The following CYB5D2 variants were observed in gnomAD, a reference collection of about 807,000 sequenced individuals.
The protein encoded by CYB5D2 is cytochrome b5 domain containing 2, also known as neuferricin.
CYB5D2 carries 23 observed loss-of-function variants against 22.8 expected under a neutral mutation model. The observed-to-expected ratio is 1.01, with a 90% CI of 0.73 to 1.43. CYB5D2 has a LOEUF of 1.43. Ranked by LOEUF, CYB5D2 falls within the 40% of genes most tolerant of loss-of-function variation. The pLI is 0.00. For missense variants in CYB5D2, 373 were observed against 357.2 expected, an observed-to-expected ratio of 1.04 and a Z score of -0.36; for synonymous variants, 170 against 152.2, an observed-to-expected ratio of 1.12 and a Z score of -0.86.
Position 4,143,661 on chromosome 17 carries a change from G to C in CYB5D2, c.-95G>C. ...AGCGCGCGAGAGAGAGAGCGAGAGC[G>C]CGCGCGCCGATGACGTCACGCTCGG... On this transcript the variant is annotated 5_prime_UTR_variant, in exon 1 of 4. Transcript: ENST00000301391. The C allele has an allele frequency of 6.7e-7, 1 of 1,498,966 alleles. No homozygotes were observed. The allele number at this position is 1,498,966 out of a possible 1,614,324, so 92.9% of individuals were successfully genotyped here. A position where few individuals can be genotyped will look rare whatever the true frequency, so the allele number is the denominator to read the frequency against.
rs2059123959 is a variant in CYB5D2 at position 4,157,414 on chromosome 17, G to T, written c.*332G>T. The T allele has an allele frequency of 5.0e-6, 2 of 403,616 alleles. No homozygotes were observed. Among genetic ancestry groups the T allele is most frequent in the South Asian group, 4.9e-5 (2 of 40,576 alleles). 25.0% of individuals were successfully genotyped at this position (403,616 alleles called of 1,614,324 possible). ...GAATTTACAACCAAAAGCCTGCTGA[G>T]TTGATTACAGCTGGGCCAATACAGT... is the stretch of plus-strand genomic sequence containing the variant. On this transcript the variant is annotated 3_prime_UTR_variant, in exon 4 of 4. Transcript: ENST00000301391. This position sits in a 1 kb window ranked among gnomAD's most constrained non-coding sequence, Gnocchi z 4.4.
At chr17:4,155,761 T>C (rs1300488660) in intron 3 of CYB5D2, among the ~76,000 whole-genome samples, 1 of 152,212 alleles carries the variant, frequency 6.6e-6, no homozygotes, top group African/African-American at 2.4e-5. Flanking sequence ...TGCTTGACTT[T>C]GCTTCCTTGG....
rs201614194 is a variant in CYB5D2, at chr17:4,150,015, G to A, written c.375G>A (p.Lys125=). 1.5e-5 allele frequency: 25 copies of A among 1,614,090 alleles called. No individual in the cohort carries two copies. In the Middle Eastern group the frequency reaches 1.2e-3, roughly 75 times the overall value. ...TLHNWLSFYE[K]NYVCVGRVTG... ...ACAATTGGCTTTCATTCTATGAGAAGAATTATGTGTGTGTTGGTAAGTCGT... is the reference window on the plus strand; with the variant it reads ...ACAATTGGCTTTCATTCTATGAGAAAAATTATGTGTGTGTTGGTAAGTCGT... The change falls in exon 2 of 4, where the codon AAG becomes AAA. Residue 125 remains lysine, a synonymous_variant. Coordinates refer to ENST00000301391, the MANE Select transcript of CYB5D2 (RefSeq NM_144611.4).
chr17:4,149,965 T>C lies in CYB5D2; in HGVS notation c.325T>C (p.Ser109Pro). 1.2e-6 allele frequency: 2 copies of C among 1,614,162 alleles called. No individual in the cohort carries two copies. The highest frequency in any genetic ancestry group is 1.7e-6 in the Non-Finnish European group (2 of 1,180,030). ...AGLVDDVSDL[S>P]AAEMLTLHNW... The stretch of plus-strand genomic sequence containing the variant: ...CCTCGTGGATGACGTATCCGACCTG[T>C]CAGCCGCTGAGATGCTGACACTTCA... The change falls in exon 2 of 4, where the codon TCA (serine) becomes CCA (proline). Residue 109 changes from serine to proline, a missense_variant. By Grantham distance (74) the Ser-to-Pro change is moderately conservative. Coordinates refer to ENST00000301391, the MANE Select transcript of CYB5D2 (RefSeq NM_144611.4).
intron 2 of CYB5D2, among the ~76,000 whole-genome samples, chr17:4,154,097 C>T (rs1039507435): frequency 2.0e-5 from 3 of 152,156 alleles, no homozygotes; most frequent in African/African-American, 4.8e-5. Flanking sequence ...GGCCTATAGG[C>T]TGGTGGACCA....
Position 4,143,798 on chromosome 17 carries a change from G to C in CYB5D2, c.43G>C (p.Val15Leu), listed in dbSNP as rs1376663571. The change falls in exon 1 of 4, where the codon GTA (valine) becomes CTA (leucine). Residue 15 changes from valine (V) to leucine (L), a missense_variant. Coordinates refer to ENST00000301391, the MANE Select transcript of CYB5D2 (RefSeq NM_144611.4). ...GGRGLLLGLAVAAAAVMAARL... is the reference protein window; with the variant it reads ...GGRGLLLGLALAAAAVMAARL... ...CCGTGGGCTTTTGTTGGGCCTGGCT[G>C]TAGCCGCAGCAGCGGTAATGGCAGC... The C allele has an allele frequency of 1.7e-5, 27 of 1,614,094 alleles. No individual in the cohort carries two copies. The highest frequency in any genetic ancestry group is 1.7e-4 in the Middle Eastern group (1 of 6,026).
chr17:4,143,853 C>T lies in CYB5D2; in HGVS notation c.98C>T (p.Ala33Val), dbSNP rs1400498269. Residue 33 changes from alanine to valine, a missense_variant, in exon 1 of 4, where the codon GCT becomes GTT. By Grantham distance (64) the Ala-to-Val change is moderately conservative. Transcript: ENST00000301391. ...CTTATGGGCTGGTGGGGTCCCCGCG[C>T]TGGCTTTCGCCTTTTCATACCGGAG... ...ARLMGWWGPR[A>V]GFRLFIPEEL... The T allele has an allele frequency of 6.2e-7, 1 of 1,614,138 alleles. No homozygotes were observed. The highest frequency in any genetic ancestry group is 8.5e-7 in the Non-Finnish European group (1 of 1,180,018).
Position 4,154,843 on chromosome 17 carries a change from C to T in CYB5D2, c.561C>T (p.Leu187=), listed in dbSNP as rs781228374. The part of the protein sequence containing the change: ...AEWSSARGSR[L]WCSQKSGGVS... ...GGAGCTCAGCCAGGGGCAGCCGGCT[C>T]TGGTGCTCCCAGAAGAGGTAAGCAG... Residue 187 remains leucine, a synonymous_variant, in exon 3 of 4, where the codon CTC becomes CTT. Transcript: ENST00000301391. The T allele has an allele frequency of 3.6e-5, 58 of 1,613,320 alleles. No homozygotes were observed. The highest frequency in any genetic ancestry group is 4.6e-5 in the Non-Finnish European group (54 of 1,179,666).
chr17:4,143,617 G>A lies in CYB5D2; in HGVS notation c.-139G>A, dbSNP rs935095949. 32 of 1,233,908 alleles carry A rather than the reference G, an allele frequency of 2.6e-5. No individual in the cohort carries two copies. Among genetic ancestry groups the A allele is most frequent in the South Asian group, 2.9e-5 (2 of 68,106 alleles). The allele number at this position is 1,233,908 out of a possible 1,614,324, so 76.4% of individuals were successfully genotyped here. On this transcript the variant is annotated 5_prime_UTR_variant, in exon 1 of 4. Transcript: ENST00000301391. ...ATACAGATAAAACGAGAGAGACTAA[G>A]GGAGGGAGCGCGAGCACTAGCGCGC...
chr17:4,143,618 G>A lies in CYB5D2; in HGVS notation c.-138G>A, dbSNP rs987754428. ...TACAGATAAAACGAGAGAGACTAAG[G>A]GAGGGAGCGCGAGCACTAGCGCGCG... On this transcript the variant is annotated 5_prime_UTR_variant, in exon 1 of 4. Transcript: ENST00000301391. 2.4e-6 allele frequency: 3 copies of A among 1,240,332 alleles called. No homozygotes were observed. Among genetic ancestry groups the A allele is most frequent in the African/African-American group, 1.5e-5 (1 of 65,932 alleles). The allele number at this position is 1,240,332 out of a possible 1,614,324, so 76.8% of individuals were successfully genotyped here. A position where few individuals can be genotyped will look rare whatever the true frequency, so the allele number is the denominator to read the frequency against.
rs147852286 is a variant in CYB5D2 at position 4,150,184 on chromosome 17, C to T, written c.391+153C>T. ...TCTGGTCGTTAGAATAGGGATGAGC[C>T]GCCCAGAAGGAGATGGATGGGCACC... On this transcript the variant is annotated intron_variant, in intron 2 of 3. Transcript: ENST00000301391. 3.9e-5 allele frequency among the ~76,000 whole-genome samples: 6 copies of T among 152,274 alleles called. No homozygotes were observed. The East Asian group carries it at 9.6e-4, about 24-fold the overall frequency.
chr17:4,151,988 G>A (rs532472132), intron 2 of CYB5D2, among the ~76,000 whole-genome samples: 2 of 151,142 alleles, frequency 1.3e-5, no homozygotes, highest in East Asian at 1.9e-4. Context: ...CCTGGGCAAC[G>A]GAGTGAGACC....
chr17:4,143,709 G>A lies in CYB5D2; in HGVS notation c.-47G>A, dbSNP rs1358776462. The stretch of plus-strand genomic sequence containing the variant: ...CGGCGTCTCGGCCATCTTAGCTGTA[G>A]ATAGAGGCGGCAACCTCGGAAGTGC... On this transcript the variant is annotated 5_prime_UTR_variant, in exon 1 of 4. Transcript: ENST00000301391. 6.4e-7 allele frequency: 1 copy of A among 1,568,788 alleles called. No individual in the cohort carries two copies. The highest frequency in any genetic ancestry group is 8.7e-7 in the Non-Finnish European group (1 of 1,154,538).
chr17:4,143,663 G>A lies in CYB5D2; in HGVS notation c.-93G>A. On this transcript the variant is annotated 5_prime_UTR_variant, in exon 1 of 4. Transcript: ENST00000301391. Reference sequence around the variant, plus strand: ...CGCGCGAGAGAGAGAGCGAGAGCGCGCGCGCCGATGACGTCACGCTCGGCG... The same window carrying A: ...CGCGCGAGAGAGAGAGCGAGAGCGCACGCGCCGATGACGTCACGCTCGGCG... 6.7e-7 allele frequency: 1 copy of A among 1,502,656 alleles called. No individual in the cohort carries two copies. Among genetic ancestry groups the A allele is most frequent in the Non-Finnish European group, 8.9e-7 (1 of 1,122,760 alleles). 93.1% of individuals were successfully genotyped at this position (1,502,656 alleles called of 1,614,324 possible).
At position 4,150,342 on chromosome 17, in the gene CYB5D2, G is replaced by A. The variant is rs1434348360; in HGVS notation, c.391+311G>A. ...AGAAGGGCAGCTTCCCTGTCTCACT[G>A]TGTTCGATGCATCTGGCTTCAGCAC... On this transcript the variant is annotated intron_variant, in intron 2 of 3. Transcript: ENST00000301391. Among the ~76,000 whole-genome samples the A allele has an allele frequency of 2.0e-5, 3 of 152,180 alleles. No homozygotes were observed. The East Asian group carries it at 5.8e-4, about 29-fold the overall frequency.
chr17:4,157,271 C>T lies in CYB5D2; in HGVS notation c.*189C>T, dbSNP rs2059122900. On this transcript the variant is annotated 3_prime_UTR_variant, in exon 4 of 4. Transcript: ENST00000301391. This position sits in a 1 kb window ranked among gnomAD's most constrained non-coding sequence, Gnocchi z 4.4. ...GGCGTTGTGGTGCCTGAGGGACAGC[C>T]GGCCACCTGCCCAGTACTGGTCAGC... 1.5e-6 allele frequency: 1 copy of T among 653,366 alleles called. No homozygotes were observed. Among genetic ancestry groups the T allele is most frequent in the Admixed American group, 2.7e-5 (1 of 36,410 alleles). 40.5% of individuals were successfully genotyped at this position (653,366 alleles called of 1,614,324 possible).
intron 2 of CYB5D2, among the ~76,000 whole-genome samples, chr17:4,154,059 C>G (rs915292840): frequency 1.4e-4 from 21 of 152,336 alleles, no homozygotes; most frequent in African/African-American, 4.1e-4. Flanking sequence ...GGACCCTGGG[C>G]TGAGAGAACT....
At chr17:4,156,464 C>A (rs895629943) in intron 3 of CYB5D2, among the ~76,000 whole-genome samples, 1 of 152,286 alleles carries the variant, frequency 6.6e-6, no homozygotes, top group Non-Finnish European at 1.5e-5. Flanking sequence ...CTGACCTGCG[C>A]TGGGTTGTAG....
Position 4,143,983 on chromosome 17 carries a change from G to A in CYB5D2, c.228G>A (p.Gly76=). The A allele has an allele frequency of 6.2e-7, 1 of 1,610,476 alleles. No homozygotes were observed. Among genetic ancestry groups the A allele is most frequent in the Non-Finnish European group, 8.5e-7 (1 of 1,178,852 alleles). ...CCGGCCGGAGGCACTACGAGCCTGG[G>A]TCCCACTATAGCGGCTTCGCAGGTA... ...VSSGRRHYEP[G]SHYSGFAGRD... is the part of the protein sequence containing the mutation. The change falls in exon 1 of 4, where the codon GGG becomes GGA. Residue 76 remains glycine (G), a synonymous_variant. Transcript: ENST00000301391.
Sources: allele counts gnomAD v4.1 joint callset (sites outside exome capture counted in the v4.1 genomes callset), GRCh38; gene constraint gnomAD v4.1.1; non-coding constraint Gnocchi (gnomAD v3.1); transcripts MANE v1.5; gene names NCBI Gene and HGNC (gene_info 2026-07-23, HGNC 2026-07-21).